Variants in CUL7 observed in about 807,000 individuals in gnomAD.
The protein encoded by CUL7 is cullin-7.
A neutral mutation model predicts 177.7 loss-of-function variants in CUL7; 96 were observed. The ratio of observed to expected loss-of-function variants is 0.54; its 90% CI spans 0.46 to 0.64. The LOEUF is 0.64. CUL7 is among the 30% of genes least tolerant of loss of function. The pLI, the probability that CUL7 is intolerant of heterozygous loss-of-function variation, is 0.00. For missense variants in CUL7, 1,893 were observed against 2,187.9 expected (o/e 0.87, Z 2.69); for synonymous variants, 824 against 890.2 (o/e 0.93, Z 1.32).
chr6:43,041,680 AGGAAGGGGAAGGGAAG>A (rs1238969956), intron 19 of CUL7, among the ~76,000 whole-genome samples: 12 of 147,924 alleles, frequency 8.1e-5, no homozygotes, highest in South Asian at 2.2e-4. Flanking sequence ...GGGAAGGGAA[AGGAAGGGGAAGGGAAG>A]GGAAGGGGAA....
chr6:43,053,812 G>T lies in CUL7; in HGVS notation c.-199C>A, dbSNP rs933039298. The T allele has an allele frequency of 1.9e-5, 29 of 1,532,974 alleles. No individual in the cohort carries two copies. Among genetic ancestry groups the T allele is most frequent in the Non-Finnish European group, 2.4e-5 (28 of 1,146,296 alleles). 95.0% of individuals were successfully genotyped at this position (1,532,974 alleles called of 1,614,324 possible). ...GTCGGCAGCCACTGGGGCAGGGTGGGGCCCGGTCCCTGCCAGCGGCTCCGC... is the reference window on the plus strand; with the variant it reads ...GTCGGCAGCCACTGGGGCAGGGTGGTGCCCGGTCCCTGCCAGCGGCTCCGC... On this transcript the variant is annotated 5_prime_UTR_variant, in exon 1 of 26. Coordinates refer to ENST00000265348, the MANE Select transcript of CUL7 (RefSeq NM_014780.5). This position sits in a 1 kb window ranked among gnomAD's most constrained non-coding sequence, Gnocchi z 4.1.
chr6:43,051,790 TTCTCCCTAA>T lies in CUL7; in HGVS notation c.581-36_581-28del, dbSNP rs1461713131. 6.2e-7 allele frequency: 1 copy of T among 1,613,478 alleles called. No homozygotes were observed. Among genetic ancestry groups the T allele is most frequent in the South Asian group, 1.1e-5 (1 of 90,962 alleles). On this transcript the variant is annotated intron_variant, in intron 2 of 25. Coordinates refer to ENST00000265348, the MANE Select transcript of CUL7 (RefSeq NM_014780.5). The surrounding 1 kb of genome is among the most constrained non-coding windows in gnomAD (Gnocchi z 5.0). ...TGTAACCCACACCCCAGTTGGTAAC[TTCTCCCTAA>T]TCTCACCCTTCCTAGAAATCTTAGA...
Position 43,043,513 on chromosome 6 carries a change from G to A in CUL7, c.3290C>T (p.Thr1097Ile). The A allele has an allele frequency of 6.2e-7, 1 of 1,614,148 alleles. No individual in the cohort carries two copies. The highest frequency in any genetic ancestry group is 8.5e-7 in the Non-Finnish European group (1 of 1,180,008). The change falls in exon 17 of 26, where the codon ACT (threonine) becomes ATT (isoleucine). Residue 1097 changes from threonine (T) to isoleucine (I), a missense_variant. Physicochemically the swap from Thr to Ile is moderately conservative, Grantham distance 89. Transcript: ENST00000265348. The surrounding 1 kb of genome is among the most constrained non-coding windows in gnomAD (Gnocchi z 4.2). Reference sequence around the variant, plus strand: ...GGGCTCGACATGCACCAGCAGGTGAGTGAGACGGCGCACCCGCGAGAAGAA... The same window carrying A: ...GGGCTCGACATGCACCAGCAGGTGAATGAGACGGCGCACCCGCGAGAAGAA... ...PAFFSRVRRL[T>I]HLLVHVEPCE...
chr6:43,052,701 C>A lies in CUL7; in HGVS notation c.88G>T (p.Val30Leu). The change falls in exon 2 of 26, where the codon GTG becomes TTG. Residue 30 changes from valine (V) to leucine (L), a missense_variant. Physicochemically the swap from Val to Leu is conservative, Grantham distance 32 (BLOSUM62 1). Transcript: ENST00000265348. This position sits in a 1 kb window ranked among gnomAD's most constrained non-coding sequence, Gnocchi z 4.5. Reference protein sequence around the residue: ...AYPDELIRQRVGHDGHPEYQI... With the variant: ...AYPDELIRQRLGHDGHPEYQI... ...TACTCAGGATGCCCATCATGGCCCA[C>A]GCGCTGGCGGATCAGCTCATCAGGA... The A allele has an allele frequency of 1.9e-6, 3 of 1,613,730 alleles. No homozygotes were observed. Among genetic ancestry groups the A allele is most frequent in the Non-Finnish European group, 2.5e-6 (3 of 1,180,046 alleles).
Position 43,047,032 on chromosome 6 carries a change from G to C in CUL7, c.2245C>G (p.Leu749Val), listed in dbSNP as rs1763977254. The C allele has an allele frequency of 1.2e-6, 2 of 1,613,364 alleles. No individual in the cohort carries two copies. The highest frequency in any genetic ancestry group is 1.7e-6 in the Non-Finnish European group (2 of 1,179,342). Residue 749 changes from leucine (L) to valine (V), a missense_variant, in exon 10 of 26, where the codon CTG (leucine) becomes GTG (valine). Leu to Val is a conservative substitution (Grantham distance 32). Transcript: ENST00000265348. Reference protein sequence around the residue: ...SRDYAVVLNQLGARDAISKAL... With the variant: ...SRDYAVVLNQVGARDAISKAL... ...TTGGAGATAGCGTCTCTTGCTCCCA[G>C]CTGATTCAGCACCACGGCATAGTCC...
chr6:43,051,650 C>G lies in CUL7; in HGVS notation c.694G>C (p.Glu232Gln), dbSNP rs755322966. ...LALFAQATLSEHPMSFEGIQL... is the reference protein window; with the variant it reads ...LALFAQATLSQHPMSFEGIQL... ...ATGCCCTCGAAAGACATGGGGTGTT[C>G]AGAGAGCGTGGCCTGTGCAAACAGT... The change falls in exon 3 of 26, where the codon GAA (glutamate) becomes CAA (glutamine). Residue 232 changes from glutamate (E) to glutamine (Q), a missense_variant. Glu to Gln is a conservative substitution (Grantham distance 29). Coordinates refer to ENST00000265348, the MANE Select transcript of CUL7 (RefSeq NM_014780.5). The surrounding 1 kb of genome is among the most constrained non-coding windows in gnomAD (Gnocchi z 5.0). 1.2e-6 allele frequency: 2 copies of G among 1,614,184 alleles called. No homozygotes were observed. The highest frequency in any genetic ancestry group is 2.2e-5 in the South Asian group (2 of 91,078).
chr6:43,042,337 G>T (rs1304472599), intron 19 of CUL7, among the ~76,000 whole-genome samples: 16 of 151,628 alleles, frequency 1.1e-4, no homozygotes, highest in African/African-American at 3.1e-4. Context: ...GGGTTTTTTT[G>T]TTTTTTTCTT....
chr6:43,040,234 G>A lies in CUL7; in HGVS notation c.4216C>T (p.His1406Tyr). 1 of 1,614,194 alleles carries A rather than the reference G, an allele frequency of 6.2e-7. No individual in the cohort carries two copies. The highest frequency in any genetic ancestry group is 8.5e-7 in the Non-Finnish European group (1 of 1,180,042). The stretch of plus-strand genomic sequence containing the variant: ...AGGCAGGTTCTGGGGTTCAGTGTGT[G>A]GCAGATTGAGGCAACAGGCCAGGAG... ...RHSWPVASIC[H>Y]TLNPRTCLPS... The change falls in exon 22 of 26, where the codon CAC (histidine) becomes TAC (tyrosine). Residue 1406 changes from histidine (H) to tyrosine (Y), a missense_variant. By Grantham distance (83) the His-to-Tyr change is moderately conservative. Coordinates refer to ENST00000265348, the MANE Select transcript of CUL7 (RefSeq NM_014780.5). The surrounding 1 kb of genome is among the most constrained non-coding windows in gnomAD (Gnocchi z 4.2).
At position 43,051,973 on chromosome 6, in the gene CUL7, T is replaced by C. The variant is rs564615943; in HGVS notation, c.581-210A>G. The C allele has an allele frequency of 3.4e-4, 317 of 931,392 alleles. 2 individuals carry two copies. The highest frequency in any genetic ancestry group is 4.7e-4 in the Non-Finnish European group (295 of 621,814). The allele number at this position is 931,392 out of a possible 1,614,324, so 57.7% of individuals were successfully genotyped here. A position where few individuals can be genotyped will look rare whatever the true frequency, so the allele number is the denominator to read the frequency against. On this transcript the variant is annotated intron_variant, in intron 2 of 25. Transcript: ENST00000265348. The surrounding 1 kb of genome is among the most constrained non-coding windows in gnomAD (Gnocchi z 5.0). ...AATAGTCTAAACTCTAAATTCTTCC[T>C]TTGCATAAAAAGCAACTAATTAATA...
chr6:43,043,494 G>A lies in CUL7; in HGVS notation c.3309C>T (p.Val1103=), dbSNP rs545206977. Residue 1103 remains valine, a synonymous_variant, in exon 17 of 26, where the codon GTC becomes GTT. Transcript: ENST00000265348. This position sits in a 1 kb window ranked among gnomAD's most constrained non-coding sequence, Gnocchi z 4.2. ...CAGGAGGGGGTGCCTCACAGGGCTC[G>A]ACATGCACCAGCAGGTGAGTGAGAC... ...VRRLTHLLVH[V]EPCEAPPPVV... is the part of the protein sequence containing the mutation. The A allele has an allele frequency of 9.9e-6, 16 of 1,613,984 alleles. No homozygotes were observed. Among genetic ancestry groups the A allele is most frequent in the South Asian group, 3.3e-5 (3 of 91,086 alleles).
intron 7 of CUL7, 118 bp downstream of exon 7, chr6:43,049,289 T>C: frequency 7.6e-7 from 1 of 1,316,552 alleles, no homozygotes; most frequent in Non-Finnish European, 1.1e-6. Context: ...TCTCTCTAAG[T>C]TGCAGCTTCT....
chr6:43,040,870 T>C lies in CUL7; in HGVS notation c.3806+45A>G. The C allele has an allele frequency of 6.2e-7, 1 of 1,608,294 alleles. No homozygotes were observed. The highest frequency in any genetic ancestry group is 8.5e-7 in the Non-Finnish European group (1 of 1,176,230). On this transcript the variant is annotated intron_variant, in intron 20 of 25. Transcript: ENST00000265348. The surrounding 1 kb of genome is among the most constrained non-coding windows in gnomAD (Gnocchi z 4.2). The stretch of plus-strand genomic sequence containing the variant: ...GGCCCATGAGCTGGCTCTGCCACCA[T>C]CATCCTGCCTCCCGCCAGCTCCCGC...
Position 43,044,901 on chromosome 6 carries a change from G to C in CUL7, c.3039-16C>G, listed in dbSNP as rs2150320217. ...ACCGTTGAGTCTGGGGGTGAGAATG[G>C]AGGAGGAAGGTGTCAGGGGCTTGAA... is the stretch of plus-strand genomic sequence containing the variant. On this transcript the variant is annotated splice_polypyrimidine_tract_variant and intron_variant, in intron 15 of 25. Transcript: ENST00000265348. 4 of 1,610,740 alleles carry C rather than the reference G, an allele frequency of 2.5e-6. No homozygotes were observed. The highest frequency in any genetic ancestry group is 3.3e-4 in the Middle Eastern group (2 of 6,054).
Position 43,053,684 on chromosome 6 carries a change from A to C in CUL7, c.-71T>G, listed in dbSNP as rs1293392148. ...CTTCACAGAGCAAGGGACGCGGCAC[A>C]GACGCTGGCGGCGACTTGGGCCCCA... On this transcript the variant is annotated 5_prime_UTR_variant, in exon 1 of 26. Coordinates refer to ENST00000265348, the MANE Select transcript of CUL7 (RefSeq NM_014780.5). The surrounding 1 kb of genome is among the most constrained non-coding windows in gnomAD (Gnocchi z 4.1). 7.1e-7 allele frequency: 1 copy of C among 1,414,096 alleles called. No individual in the cohort carries two copies. Among genetic ancestry groups the C allele is most frequent in the Non-Finnish European group, 9.2e-7 (1 of 1,089,804 alleles). The allele number at this position is 1,414,096 out of a possible 1,614,324, so 87.6% of individuals were successfully genotyped here.
chr6:43,048,698 A>G (rs552395028), intron 7 of CUL7, 129 bp from the exon 8 acceptor site: 38 of 683,118 alleles, frequency 5.6e-5, no homozygotes, highest in Non-Finnish European at 8.5e-5. Context: ...TAATCCCCCT[A>G]AAAGTTAGGT....
rs953285038 is a variant in CUL7, at chr6:43,043,794, T to C, written c.3173-164A>G. 3.3e-5 allele frequency among the ~76,000 whole-genome samples: 5 copies of C among 152,032 alleles called. No individual in the cohort carries two copies. Among genetic ancestry groups the C allele is most frequent in the African/African-American group, 1.2e-4 (5 of 41,378 alleles). On this transcript the variant is annotated intron_variant, in intron 16 of 25. Transcript: ENST00000265348. This position sits in a 1 kb window ranked among gnomAD's most constrained non-coding sequence, Gnocchi z 4.2. ...CTGTAATCCCAGCACTTTGGGAGGC[T>C]GAGATGAGAGGATCGCTTGAGGCAG...
At chr6:43,039,600 C>G (rs546372817) in intron 22 of CUL7, among the ~76,000 whole-genome samples, 4 of 152,262 alleles carry the variant, frequency 2.6e-5, no homozygotes, top group Admixed American at 2.6e-4. Context: ...CCTGCCACCC[C>G]CAGCCACCAA....
At position 43,040,337 on chromosome 6, in the gene CUL7, C is replaced by T; in HGVS notation, c.4113G>A (p.Glu1371=). 6.2e-7 allele frequency: 1 copy of T among 1,613,838 alleles called. No individual in the cohort carries two copies. The highest frequency in any genetic ancestry group is 8.5e-7 in the Non-Finnish European group (1 of 1,179,962). Residue 1371 remains glutamate, a synonymous_variant, in exon 22 of 26, where the codon GAG becomes GAA. Transcript: ENST00000265348. This position sits in a 1 kb window ranked among gnomAD's most constrained non-coding sequence, Gnocchi z 4.2. ...AAAVVDVAEG[E]EEEEENEDLY... is the part of the protein sequence containing the mutation. The stretch of plus-strand genomic sequence containing the variant: ...GGTCCTCATTCTCCTCCTCTTCCTC[C>T]TCTCCCTCCGCCACATCCACCACTG...
At chr6:43,042,094 G>A (rs1763483702) in intron 19 of CUL7, among the ~76,000 whole-genome samples, 1 of 149,374 alleles carries the variant, frequency 6.7e-6, no homozygotes, top group Admixed American at 6.7e-5. Context: ...AGGGAGAGAA[G>A]GAGGGAGGGA....
Sources: allele counts gnomAD v4.1 joint callset (sites outside exome capture counted in the v4.1 genomes callset), GRCh38; gene constraint gnomAD v4.1.1; non-coding constraint Gnocchi (gnomAD v3.1); transcripts MANE v1.5; gene names NCBI Gene and HGNC (gene_info 2026-07-23, HGNC 2026-07-21).